KCNIP4: variants seen among roughly 807,000 people sequenced by gnomAD.
KCNIP4 encodes the protein Kv channel-interacting protein 4.
A neutral mutation model predicts 34.0 loss-of-function variants in KCNIP4; 12 were observed. The observed-to-expected ratio is 0.35, with a 90% CI of 0.23 to 0.57. KCNIP4 has a LOEUF of 0.57. Ranked by LOEUF, KCNIP4 falls within the 20% of genes least tolerant of loss-of-function variation. The pLI is 0.83. For synonymous variants in KCNIP4, 124 were observed against 102.2 expected (o/e 1.21, Z -1.29); for missense variants, 238 against 311.7 (o/e 0.76, Z 1.78).
At chr4:20,804,661 T>C (rs16869989) in intron 3 of KCNIP4, among the ~76,000 whole-genome samples, 59,120 of 151,922 alleles carry the variant, frequency 0.39, 12,262 homozygotes, top group Admixed American at 0.51. Flanking sequence ...CTCTTTCTAC[T>C]TGATTGGGTG....
At chr4:21,579,686 T>C (rs1435231739) in intron 1 of KCNIP4, among the ~76,000 whole-genome samples, 1 of 152,040 alleles carries the variant, frequency 6.6e-6, no homozygotes, top group Non-Finnish European at 1.5e-5. Flanking sequence ...AATAAACTAC[T>C]GATACTCTCC....
intron 1 of KCNIP4, among the ~76,000 whole-genome samples, chr4:21,679,770 C>A (rs1052926654): frequency 6.6e-6 from 1 of 152,170 alleles, no homozygotes; most frequent in Admixed American, 6.5e-5. Context: ...CTTCCCAGTG[C>A]ACGTAAAAGT....
At chr4:21,659,919 G>C (rs1748306643) in intron 1 of KCNIP4, among the ~76,000 whole-genome samples, 1 of 152,088 alleles carries the variant, frequency 6.6e-6, no homozygotes, top group Non-Finnish European at 1.5e-5. Flanking sequence ...GCACCAACAA[G>C]AGTTTGTTTC....
At chr4:21,034,040 T>A (rs1741239091) in intron 1 of KCNIP4, among the ~76,000 whole-genome samples, 1 of 152,166 alleles carries the variant, frequency 6.6e-6, no homozygotes, top group Admixed American at 6.5e-5. Flanking sequence ...ATTTTCCAAG[T>A]AATTAATATT....
chr4:20,905,909 G>C (rs1358778590), intron 1 of KCNIP4, among the ~76,000 whole-genome samples: 2 of 151,868 alleles, frequency 1.3e-5, no homozygotes, highest in Non-Finnish European at 2.9e-5. Flanking sequence ...CTCTTTAAAG[G>C]CTTCATCACC....
intron 1 of KCNIP4, among the ~76,000 whole-genome samples, chr4:21,225,376 T>C (rs1758304029): frequency 6.6e-6 from 1 of 152,172 alleles, no homozygotes; most frequent in South Asian, 2.1e-4. Context: ...GTGTTTGAAT[T>C]TGGGCTCCAC....
chr4:20,817,557 C>A (rs144905755), intron 3 of KCNIP4, among the ~76,000 whole-genome samples: 1 of 152,220 alleles, frequency 6.6e-6, no homozygotes, highest in Non-Finnish European at 1.5e-5. Context: ...TGCTGCCTAA[C>A]AAGCTTAATT....
intron 1 of KCNIP4, among the ~76,000 whole-genome samples, chr4:21,692,700 T>G (rs1055404164): frequency 1.3e-5 from 2 of 151,590 alleles, no homozygotes; most frequent in African/African-American, 4.8e-5. Context: ...AAGAATAGAT[T>G]AAAAAGTTGA....
At chr4:20,936,600 G>A (rs968471590) in intron 1 of KCNIP4, among the ~76,000 whole-genome samples, 30 of 151,900 alleles carry the variant, frequency 2.0e-4, no homozygotes, top group African/African-American at 7.0e-4. Flanking sequence ...ACCAGGGAGA[G>A]GTTTACAATG....
intron 1 of KCNIP4, among the ~76,000 whole-genome samples, chr4:21,131,687 T>C (rs1751085539): frequency 6.6e-6 from 1 of 152,208 alleles, no homozygotes; most frequent in Non-Finnish European, 1.5e-5. Flanking sequence ...GGGTGGATTC[T>C]GGGGTGCTGG....
intron 1 of KCNIP4, among the ~76,000 whole-genome samples, chr4:21,010,612 C>T (rs1738979798): frequency 6.6e-6 from 1 of 152,200 alleles, no homozygotes; most frequent in East Asian, 1.9e-4. Context: ...AATTCTGCTT[C>T]AGGAACAAAA....
At chr4:21,287,916 T>C (rs1763217466) in intron 1 of KCNIP4, among the ~76,000 whole-genome samples, 1 of 152,190 alleles carries the variant, frequency 6.6e-6, no homozygotes, top group Non-Finnish European at 1.5e-5. Context: ...GATTTAGCAA[T>C]ATAAAAGTAA....
At chr4:21,008,867 A>G (rs1738813121) in intron 1 of KCNIP4, among the ~76,000 whole-genome samples, 2 of 151,916 alleles carry the variant, frequency 1.3e-5, no homozygotes, top group African/African-American at 4.8e-5. Flanking sequence ...ATCATTGGGT[A>G]TTTCATTAGG....
chr4:21,562,659 T>A (rs554550643), intron 1 of KCNIP4, among the ~76,000 whole-genome samples: 7 of 152,142 alleles, frequency 4.6e-5, no homozygotes, highest in South Asian at 4.1e-4. Flanking sequence ...AAACTTTTTT[T>A]AAAAACTGTA....
chr4:21,571,845 T>C (rs1318647994), intron 1 of KCNIP4, among the ~76,000 whole-genome samples: 1 of 152,176 alleles, frequency 6.6e-6, no homozygotes, highest in African/African-American at 2.4e-5. Flanking sequence ...ATCATAACAA[T>C]GTTAATAACA....
intron 1 of KCNIP4, among the ~76,000 whole-genome samples, chr4:21,252,772 T>G (rs967592980): frequency 3.3e-5 from 5 of 151,260 alleles, no homozygotes; most frequent in Admixed American, 1.3e-4. Context: ...TTTTTTTTTT[T>G]TTGTCGTAAG....
At chr4:20,931,450 A>C (rs1730462966) in intron 1 of KCNIP4, among the ~76,000 whole-genome samples, 1 of 152,112 alleles carries the variant, frequency 6.6e-6, no homozygotes, top group African/African-American at 2.4e-5. Flanking sequence ...GAAATGGTAT[A>C]TACTACTACA....
chr4:21,516,561 A>G (rs564609850), intron 1 of KCNIP4, among the ~76,000 whole-genome samples: 1 of 152,278 alleles, frequency 6.6e-6, no homozygotes, highest in East Asian at 1.9e-4. Flanking sequence ...GGGTACTTAT[A>G]AAAAGGAAAG....
At chr4:21,725,335 A>G (rs919680795) in intron 1 of KCNIP4, among the ~76,000 whole-genome samples, 7 of 152,188 alleles carry the variant, frequency 4.6e-5, no homozygotes, top group African/African-American at 1.7e-4. Context: ...TGTTAGAGTC[A>G]GGCTGAAAAA....
Sources: allele counts gnomAD v4.1 joint callset (sites outside exome capture counted in the v4.1 genomes callset), GRCh38; gene constraint gnomAD v4.1.1; transcripts MANE v1.5; gene names NCBI Gene and HGNC (gene_info 2026-07-23, HGNC 2026-07-21).